The following ME3 variants were observed in gnomAD, a reference collection of about 807,000 sequenced individuals.
ME3 encodes malic enzyme 3.
In ME3, 48 loss-of-function variants were observed where a neutral mutation model predicts 68.9. That is an observed-to-expected ratio of 0.70 (90% CI 0.55 to 0.89). ME3 has a LOEUF of 0.89. ME3 is among the 40% of genes least tolerant of loss of function. The probability of loss-of-function intolerance (pLI) is 0.00; values close to 1 mark genes in which losing one functional copy is unlikely to be tolerated. For synonymous variants in ME3, 320 were observed against 318.8 expected, an observed-to-expected ratio of 1.00 and a Z score of -0.04; for missense variants, 675 against 797.4, an observed-to-expected ratio of 0.85 and a Z score of 1.85.
chr11:86,637,200 T>C (rs1944385545), intron 2 of ME3, among the ~76,000 whole-genome samples: 1 of 152,068 alleles, frequency 6.6e-6, no homozygotes, highest in Admixed American at 6.5e-5. Context: ...ACTCATTCAG[T>C]TAACAAATAC....
intron 8 of ME3, among the ~76,000 whole-genome samples, chr11:86,455,579 C>T (rs990651982): frequency 3.3e-5 from 5 of 152,124 alleles, no homozygotes; most frequent in African/African-American, 1.2e-4. Context: ...CTCCATGTAC[C>T]AGTAGCTTTA....
At chr11:86,453,975 T>A (rs1382502645) in intron 8 of ME3, among the ~76,000 whole-genome samples, 1 of 152,204 alleles carries the variant, frequency 6.6e-6, no homozygotes, top group East Asian at 1.9e-4. Flanking sequence ...ATTAACATTT[T>A]AAAAAATATT....
intron 2 of ME3, among the ~76,000 whole-genome samples, chr11:86,565,214 C>A (rs1324341090): frequency 6.6e-6 from 1 of 151,926 alleles, no homozygotes. Flanking sequence ...CACACACACA[C>A]CCCCCCTAGG....
downstream of ME3, among the ~76,000 whole-genome samples, chr11:86,437,515 G>A (rs1367748669): frequency 6.7e-6 from 1 of 148,360 alleles, no homozygotes. Context: ...ACCCTACAAT[G>A]GTTTTGATAG....
intron 2 of ME3, among the ~76,000 whole-genome samples, chr11:86,561,585 C>G (rs1238735082): frequency 6.6e-6 from 1 of 152,182 alleles, no homozygotes; most frequent in Admixed American, 6.5e-5. Context: ...GCCCCATCAC[C>G]TTGCTAAACT....
intron 2 of ME3, among the ~76,000 whole-genome samples, chr11:86,595,817 G>A (rs1394607599): frequency 1.3e-5 from 2 of 152,246 alleles, no homozygotes; most frequent in Non-Finnish European, 2.9e-5. Context: ...GCCACAGCCA[G>A]AAGAACAGAA....
intron 2 of ME3, among the ~76,000 whole-genome samples, chr11:86,656,830 A>G (rs1355545856): frequency 6.6e-6 from 1 of 151,154 alleles, no homozygotes; most frequent in Non-Finnish European, 1.5e-5. Context: ...TCTCTAAAGA[A>G]GACACTAATG....
At chr11:86,548,432 C>T (rs971062192) in intron 4 of ME3, among the ~76,000 whole-genome samples, 2 of 152,110 alleles carry the variant, frequency 1.3e-5, no homozygotes, top group Non-Finnish European at 2.9e-5. Context: ...AGATCTATTC[C>T]GGCATCAATT....
chr11:86,462,164 G>C (rs1950254954), intron 8 of ME3, among the ~76,000 whole-genome samples: 1 of 152,102 alleles, frequency 6.6e-6, no homozygotes, highest in African/African-American at 2.4e-5. Context: ...AACAACATGG[G>C]GTTGAGCTGT....
In ME3 at chr11:86,565,342, A is replaced by C. The variant is rs545418309; in HGVS notation, c.184-5519T>G. ...TAGTGGTCCTCAAAAAGCTGAACATAGAATTACCATATGACCCAGCAAGTC... is the reference window on the plus strand; with the variant it reads ...TAGTGGTCCTCAAAAAGCTGAACATCGAATTACCATATGACCCAGCAAGTC... On this transcript the variant is annotated intron_variant, in intron 2 of 14. Transcript: ENST00000543262. 2.0e-5 allele frequency among the ~76,000 whole-genome samples: 3 copies of C among 152,354 alleles called. No homozygotes were observed. The East Asian group carries it at 5.8e-4, about 29-fold the overall frequency.
Position 86,509,756 on chromosome 11 carries a change from CAA to C in ME3, c.468-891_468-890del, listed in dbSNP as rs5793200. On this transcript the variant is annotated intron_variant, in intron 4 of 14. Coordinates refer to ENST00000543262, the Ensembl canonical transcript of ME3. ...AACTATGCACACACAGGGGGATTGGCAAAAAAAAAAAAAAAAAAAGTACAGCT... is the reference window on the plus strand; with the variant it reads ...AACTATGCACACACAGGGGGATTGGCAAAAAAAAAAAAAAAAAGTACAGCT... 9.4e-3 allele frequency among the ~76,000 whole-genome samples: 967 copies of C among 102,466 alleles called. 7 individuals are homozygous for C. Among genetic ancestry groups the C allele is most frequent in the African/African-American group, 0.029 (790 of 27,652 alleles). 67.2% of individuals were successfully genotyped at this position (102,466 alleles called of 152,430 possible).
chr11:86,510,272 T>C (rs1953419113), intron 4 of ME3, among the ~76,000 whole-genome samples: 1 of 152,170 alleles, frequency 6.6e-6, no homozygotes. Context: ...CACTCATCAG[T>C]CCCCATTTCC....
chr11:86,480,978 A>C (rs12291729), intron 7 of ME3, among the ~76,000 whole-genome samples: 1,930 of 152,234 alleles, frequency 0.013, 42 homozygotes, highest in African/African-American at 0.044. Context: ...TCTGACTCTG[A>C]AAGTGGGAGG....
intron 7 of ME3, among the ~76,000 whole-genome samples, chr11:86,475,010 A>G (rs1049511614): frequency 2.0e-5 from 3 of 152,138 alleles, no homozygotes; most frequent in African/African-American, 4.8e-5. Context: ...GTCTTAAACT[A>G]TTTTTCTGGT....
intron 2 of ME3, among the ~76,000 whole-genome samples, chr11:86,650,782 GC>G (rs1945355222): frequency 6.6e-6 from 1 of 152,226 alleles, no homozygotes; most frequent in Non-Finnish European, 1.5e-5. Flanking sequence ...AGCGTGAGCT[GC>G]AGCAGGGTGA....
intron 2 of ME3, among the ~76,000 whole-genome samples, chr11:86,570,920 C>G (rs1385266657): frequency 1.3e-5 from 2 of 152,156 alleles, no homozygotes; most frequent in Non-Finnish European, 2.9e-5. Flanking sequence ...TCAGTTCCTC[C>G]CCTGGCTGTG....
At chr11:86,590,608 G>A (rs1958999929) in intron 2 of ME3, among the ~76,000 whole-genome samples, 1 of 152,218 alleles carries the variant, frequency 6.6e-6, no homozygotes, top group African/African-American at 2.4e-5. Context: ...TTTGGGTGCT[G>A]TGCCACCTGG....
intron 4 of ME3, among the ~76,000 whole-genome samples, chr11:86,529,118 A>C (rs1955003495): frequency 6.6e-6 from 1 of 152,198 alleles, no homozygotes; most frequent in South Asian, 2.1e-4. Context: ...AGCGAGACTA[A>C]TAAAGAAGAA....
chr11:86,448,096 T>C, intron 11 of ME3, 54 bp downstream of exon 11: 1 of 1,294,662 alleles, frequency 7.7e-7, no homozygotes. Context: ...TCTCTCCATC[T>C]GCAAGTCAAG....
Sources: allele counts gnomAD v4.1 joint callset (sites outside exome capture counted in the v4.1 genomes callset), GRCh38; gene constraint gnomAD v4.1.1; transcripts MANE v1.5; gene names NCBI Gene and HGNC (gene_info 2026-07-23, HGNC 2026-07-21).